DNAH11: variants seen among roughly 807,000 people sequenced by gnomAD.
The protein encoded by DNAH11 is axonemal beta dynein heavy chain 11.
In DNAH11, 442 loss-of-function variants were observed where a neutral mutation model predicts 526.0. The observed-to-expected ratio is 0.84, with a 90% CI of 0.78 to 0.91. DNAH11 has a LOEUF of 0.91. Ranked by LOEUF, DNAH11 falls within the 40% of genes least tolerant of loss-of-function variation. DNAH11 has a pLI of 0.00. For synonymous variants in DNAH11, 2,461 were observed against 1,935.9 expected, an observed-to-expected ratio of 1.27 and a Z score of -7.12; for missense variants, 6,989 against 5,448.7, an observed-to-expected ratio of 1.28 and a Z score of -8.90.
chr7:21,848,083 C>T (rs1049804718), intron 66 of DNAH11, among the ~76,000 whole-genome samples: 1 of 148,726 alleles, frequency 6.7e-6, no homozygotes, highest in South Asian at 2.1e-4. Context: ...AGGAGAATGG[C>T]GTGAACCCAG....
At chr7:21,648,437 G>T (rs768395655) in intron 28 of DNAH11, among the ~76,000 whole-genome samples, 8 of 152,120 alleles carry the variant, frequency 5.3e-5, no homozygotes, top group Non-Finnish European at 1.2e-4. Flanking sequence ...TTGCCCTTTT[G>T]CTGCTCTTTG....
intron 14 of DNAH11, among the ~76,000 whole-genome samples, chr7:21,595,803 G>C (rs190369035): frequency 6.6e-6 from 1 of 152,190 alleles, no homozygotes; most frequent in East Asian, 1.9e-4. Context: ...TGATCACCGA[G>C]AACATGAGTT....
intron 37 of DNAH11, chr7:21,703,347 G>C (rs1784138559): frequency 6.4e-6 from 1 of 156,670 alleles, no homozygotes; most frequent in Admixed American, 6.5e-5. Flanking sequence ...TAAGTAGCGA[G>C]AGCAATGGAT....
At chr7:21,709,759 G>T (rs534099577) in intron 40 of DNAH11, among the ~76,000 whole-genome samples, 1 of 152,126 alleles carries the variant, frequency 6.6e-6, no homozygotes, top group East Asian at 1.9e-4. Flanking sequence ...GAAAAACTGT[G>T]GAAACTGTTC....
At chr7:21,778,127 G>A (rs1787758835) in intron 56 of DNAH11, among the ~76,000 whole-genome samples, 2 of 152,018 alleles carry the variant, frequency 1.3e-5, no homozygotes, top group South Asian at 4.1e-4. Context: ...TTAGTTACAT[G>A]ACCCTCAAAC....
chr7:21,543,360 GAGGAGAACGAGGAGGAGGCGGCGGCC>G lies in DNAH11; in HGVS notation c.122_147del (p.Asn41SerfsTer56). 6.4e-7 allele frequency: 1 copy of G among 1,551,542 alleles called. No homozygotes were observed. The highest frequency in any genetic ancestry group is 8.7e-7 in the Non-Finnish European group (1 of 1,146,822). On this transcript the variant is annotated frameshift_variant, in exon 1 of 82. Coordinates refer to ENST00000409508, the MANE Select transcript of DNAH11 (RefSeq NM_001277115.2). LOFTEE classifies it high-confidence loss of function. ...GGGCGCTGTGGAGCTCGAGGAGGAG[GAGGAGAACGAGGAGGAGGCGGCGGCC>G]AGGAGAGCGCGGAGTTTCGCCCAAG...
chr7:21,735,620 C>T lies in DNAH11; in HGVS notation c.7441-20C>T, dbSNP rs1338487702. The stretch of plus-strand genomic sequence containing the variant: ...CTCTCTCTCTTTCTGATCTTTGTCT[C>T]ATTCTGTTTCTCCTCCCAGACAGTT... On this transcript the variant is annotated intron_variant, in intron 45 of 81. Transcript: ENST00000409508. The T allele has an allele frequency of 2.6e-6, 4 of 1,558,256 alleles. No homozygotes were observed. The highest frequency in any genetic ancestry group is 2.6e-6 in the Non-Finnish European group (3 of 1,149,296).
Position 21,818,336 on chromosome 7 carries a change from G to A in DNAH11, c.10688G>A (p.Gly3563Glu). ...PLLGRNTIKKGKYIRIGDKEC... is the reference protein window; with the variant it reads ...PLLGRNTIKKEKYIRIGDKEC... ...CTTGGCAGGAACACAATTAAAAAAG[G>A]AAAGTAAGTATTCTTGAATTTTTAA... is the stretch of plus-strand genomic sequence containing the variant. The change falls in exon 65 of 82, where the codon GGA becomes GAA. Residue 3563 changes from glycine to glutamate, a missense_variant. Gly to Glu is a moderately conservative substitution (Grantham distance 98). Transcript: ENST00000409508. 1 of 1,605,802 alleles carries A rather than the reference G, an allele frequency of 6.2e-7. No individual in the cohort carries two copies. Among genetic ancestry groups the A allele is most frequent in the South Asian group, 1.1e-5 (1 of 88,450 alleles).
chr7:21,791,854 G>A (rs1788492092), intron 61 of DNAH11, among the ~76,000 whole-genome samples: 1 of 152,186 alleles, frequency 6.6e-6, no homozygotes, highest in Non-Finnish European at 1.5e-5. Context: ...GGAATGGTTG[G>A]TGTGTTAGTC....
intron 45 of DNAH11, among the ~76,000 whole-genome samples, chr7:21,731,830 T>C (rs1016844201): frequency 1.3e-5 from 2 of 152,202 alleles, no homozygotes; most frequent in African/African-American, 4.8e-5. Flanking sequence ...ACCAGGTCGA[T>C]TGTTGTGTAC....
Position 21,797,665 on chromosome 7 carries a change from A to T in DNAH11, c.10027-3472A>T, listed in dbSNP as rs572413824. ...CTCAAATCAACAATTAGACATTCCT[A>T]TGAAAGTAGTAGATTGTCACCTTTA... On this transcript the variant is annotated intron_variant, in intron 61 of 81. Transcript: ENST00000409508. Among the ~76,000 whole-genome samples the T allele has an allele frequency of 4.2e-4, 64 of 152,336 alleles. No homozygotes were observed. The Middle Eastern group carries it at 0.014, about 32-fold the overall frequency.
chr7:21,549,527 C>G (rs1236214876), intron 2 of DNAH11, among the ~76,000 whole-genome samples: 1 of 152,076 alleles, frequency 6.6e-6, no homozygotes, highest in African/African-American at 2.4e-5. Flanking sequence ...AGTTTGAGAA[C>G]AAATTGCCCT....
chr7:21,744,688 A>G (rs768663630), intron 50 of DNAH11, 89 bp downstream of exon 50: 69 of 1,526,986 alleles, frequency 4.5e-5, no homozygotes, highest in Non-Finnish European at 5.8e-5. Flanking sequence ...AGAGAAGTGC[A>G]CAAGGGCTTA....
At position 21,620,886 on chromosome 7, in the gene DNAH11, A is replaced by G. The variant is rs578067052; in HGVS notation, c.4500+808A>G. 1.6e-4 allele frequency among the ~76,000 whole-genome samples: 24 copies of G among 151,990 alleles called. No homozygotes were observed. The South Asian group carries it at 4.8e-3, about 30-fold the overall frequency. On this transcript the variant is annotated intron_variant, in intron 25 of 81. Coordinates refer to ENST00000409508, the MANE Select transcript of DNAH11 (RefSeq NM_001277115.2). ...AATTTCATCCATGTCCCTACAAAGGACATGAACTCATCATTTTTTATGGCT... is the reference window on the plus strand; with the variant it reads ...AATTTCATCCATGTCCCTACAAAGGGCATGAACTCATCATTTTTTATGGCT...
chr7:21,606,622 T>TTC lies in DNAH11; in HGVS notation c.3766-24_3766-23insCT, dbSNP rs766998636. 4.0e-6 allele frequency: 6 copies of TTC among 1,491,034 alleles called. No homozygotes were observed. In the East Asian group the frequency reaches 1.5e-4, roughly 37 times the overall value. 92.4% of individuals were successfully genotyped at this position (1,491,034 alleles called of 1,614,324 possible). Reference sequence around the variant, plus strand: ...GTATTTGTTTGAAATTCACTTTTTTTTTTTTTTTTTTTTGCAATGATCAGG... The same window carrying TTC: ...GTATTTGTTTGAAATTCACTTTTTTTTCTTTTTTTTTTTTTGCAATGATCAGG... On this transcript the variant is annotated intron_variant, in intron 19 of 81. Coordinates refer to ENST00000409508, the MANE Select transcript of DNAH11 (RefSeq NM_001277115.2).
At chr7:21,862,550 G>A (rs1783106107) in intron 69 of DNAH11, among the ~76,000 whole-genome samples, 2 of 152,130 alleles carry the variant, frequency 1.3e-5, no homozygotes. Flanking sequence ...AAGTATGTGA[G>A]GAGATGGATA....
chr7:21,826,702 G>A (rs1790314255), intron 65 of DNAH11, among the ~76,000 whole-genome samples: 1 of 152,082 alleles, frequency 6.6e-6, no homozygotes, highest in South Asian at 2.1e-4. Context: ...AGAAAGCCAG[G>A]AAAACAACCT....
At chr7:21,801,060 A>G in intron 61 of DNAH11, 77 bp from the exon 62 acceptor site, 3 of 1,469,696 alleles carry the variant, frequency 2.0e-6, no homozygotes, top group Non-Finnish European at 2.8e-6. Context: ...ACCTTACAGT[A>G]ACAGATGTTT....
At chr7:21,851,643 T>TAA (rs1276593850) in intron 66 of DNAH11, 1 of 471,318 alleles carries the variant, frequency 2.1e-6, no homozygotes, top group Admixed American at 2.3e-5. Context: ...TTCCTGGAGG[T>TAA]AAAACTCAAA....
Sources: gnomAD v4.1 joint callset for allele counts (sites outside exome capture counted in the v4.1 genomes callset) on GRCh38, gnomAD v4.1.1 for gene constraint, MANE v1.5 for transcripts, NCBI Gene and HGNC (gene_info 2026-07-23, HGNC 2026-07-21) for gene names.